VWC2: variants seen among roughly 807,000 people sequenced by gnomAD.
VWC2 encodes the protein brorin.
A neutral mutation model predicts 29.8 loss-of-function variants in VWC2; 14 were observed. The observed-to-expected ratio is 0.47, with a 90% CI of 0.31 to 0.74. The LOEUF (loss-of-function observed/expected upper bound fraction) is 0.74, where lower values mean the gene tolerates loss of function less well. Among genes scored for constraint, VWC2 ranks in the 30% least tolerant of loss-of-function variants. The pLI, the probability that VWC2 is intolerant of heterozygous loss-of-function variation, is 0.05. For missense variants in VWC2, 457 were observed against 459.8 expected (o/e 0.99, Z 0.05); for synonymous variants, 213 against 199.0 (o/e 1.07, Z -0.59).
At chr7:49,869,697 C>T (rs1275974854) in intron 3 of VWC2, among the ~76,000 whole-genome samples, 2 of 152,122 alleles carry the variant, frequency 1.3e-5, no homozygotes, top group African/African-American at 4.8e-5. Context: ...GATGTAAAGC[C>T]ACTGGACTGC....
intron 3 of VWC2, among the ~76,000 whole-genome samples, chr7:49,833,513 A>G (rs1789582750): frequency 6.6e-6 from 1 of 152,220 alleles, no homozygotes. Context: ...GGGGTCTTAC[A>G]GATATTTATG....
intron 2 of VWC2, among the ~76,000 whole-genome samples, chr7:49,798,834 GA>G (rs1265838224): frequency 1.3e-5 from 2 of 152,230 alleles, no homozygotes; most frequent in Non-Finnish European, 2.9e-5. Flanking sequence ...TTCCTTACAT[GA>G]GGGCTGTGCA....
Position 49,775,970 on chromosome 7 carries a change from C to G in VWC2, c.535C>G (p.Leu179Val). Residue 179 changes from leucine (L) to valine (V), a missense_variant, in exon 2 of 4, where the codon CTG becomes GTG. Physicochemically the swap from Leu to Val is conservative, Grantham distance 32. Around this residue, in one of 2 missense-constraint regions of VWC2, gnomAD observed 185 missense variants for 257.1 expected, o/e 0.72. Transcript: ENST00000340652. Reference sequence around the variant, plus strand: ...GCCGGGCCCCTCGGCCTGCCCGTGCCTGTGCACCGAGGAGGGGCCGCTGTG... The same window carrying G: ...GCCGGGCCCCTCGGCCTGCCCGTGCGTGTGCACCGAGGAGGGGCCGCTGTG... Reference protein sequence around the residue: ...FAPGPSACPCLCTEEGPLCAQ... With the variant: ...FAPGPSACPCVCTEEGPLCAQ... 6.5e-7 allele frequency: 1 copy of G among 1,549,584 alleles called. No individual in the cohort carries two copies. The highest frequency in any genetic ancestry group is 2.4e-5 in the East Asian group (1 of 41,388).
At chr7:49,779,820 T>C (rs1788135684) in intron 2 of VWC2, among the ~76,000 whole-genome samples, 2 of 152,224 alleles carry the variant, frequency 1.3e-5, no homozygotes, top group South Asian at 4.1e-4. Flanking sequence ...CCTCTCTCCT[T>C]GGCTTGCAGA....
chr7:49,801,079 G>A (rs1788726910), intron 2 of VWC2, among the ~76,000 whole-genome samples: 1 of 152,056 alleles, frequency 6.6e-6, no homozygotes, highest in East Asian at 1.9e-4. Context: ...TCACTCCCAG[G>A]CAGGTTGACT....
intron 3 of VWC2, among the ~76,000 whole-genome samples, chr7:49,902,550 T>C (rs775945659): frequency 1.8e-4 from 22 of 124,194 alleles, no homozygotes; most frequent in Non-Finnish European, 3.7e-4. Flanking sequence ...TGGATATCCG[T>C]AGCCAAAAAA....
rs191579315 is a variant in VWC2, at chr7:49,837,361, G to T, written c.826+34521G>T. ...TCTTTTGCAAAACCTGGTATTAAAT[G>T]CAAGGAAACCAATAACAAGTCACCT... On this transcript the variant is annotated intron_variant, in intron 3 of 3. Transcript: ENST00000340652. Among the ~76,000 whole-genome samples, 298 of 152,344 alleles carry T rather than the reference G, an allele frequency of 2.0e-3. 1 individual carries two copies. The highest frequency in any genetic ancestry group is 4.7e-4 in the Non-Finnish European group (32 of 68,036).
chr7:49,887,286 C>T (rs971382999), intron 3 of VWC2, among the ~76,000 whole-genome samples: 3 of 152,108 alleles, frequency 2.0e-5, no homozygotes, highest in Non-Finnish European at 4.4e-5. Flanking sequence ...TTCTCAGCAG[C>T]AATTTTGACT....
chr7:49,856,593 A>G (rs1382306621), intron 3 of VWC2, among the ~76,000 whole-genome samples: 1 of 152,214 alleles, frequency 6.6e-6, no homozygotes, highest in Non-Finnish European at 1.5e-5. Flanking sequence ...AAAAAACTTC[A>G]CACAATTAGT....
intron 3 of VWC2, among the ~76,000 whole-genome samples, chr7:49,872,582 C>T (rs1038632657): frequency 2.0e-5 from 3 of 151,476 alleles, no homozygotes; most frequent in Non-Finnish European, 2.9e-5. Context: ...CCATATATTT[C>T]CACAATAAGA....
intron 3 of VWC2, among the ~76,000 whole-genome samples, chr7:49,895,950 T>A (rs1470368921): frequency 6.6e-6 from 1 of 152,222 alleles, no homozygotes; most frequent in Non-Finnish European, 1.5e-5. Context: ...TAATTCATAT[T>A]TTCATTCACC....
At chr7:49,889,833 C>T (rs927440912) in intron 3 of VWC2, among the ~76,000 whole-genome samples, 12 of 152,002 alleles carry the variant, frequency 7.9e-5, no homozygotes, top group Non-Finnish European at 1.5e-4. Context: ...AAATAGGTGC[C>T]CCAGTATGCC....
chr7:49,889,105 C>G lies in VWC2; in HGVS notation c.827-22929C>G, dbSNP rs373412193. Among the ~76,000 whole-genome samples, 9 of 152,282 alleles carry G rather than the reference C, an allele frequency of 5.9e-5. No individual in the cohort carries two copies. The East Asian group carries it at 1.5e-3, about 26-fold the overall frequency. On this transcript the variant is annotated intron_variant, in intron 3 of 3. Transcript: ENST00000340652. ...GACCAGATATACAGGGAATGCTCATCTTTTGTTTCTTCTGGGTACATTACA... is the reference window on the plus strand; with the variant it reads ...GACCAGATATACAGGGAATGCTCATGTTTTGTTTCTTCTGGGTACATTACA...
intron 3 of VWC2, among the ~76,000 whole-genome samples, chr7:49,897,259 T>C (rs1448263863): frequency 6.6e-6 from 1 of 152,184 alleles, no homozygotes; most frequent in Non-Finnish European, 1.5e-5. Context: ...AAGAATTAAT[T>C]AGTATCCTTA....
intron 3 of VWC2, among the ~76,000 whole-genome samples, chr7:49,853,797 G>A (rs1345566983): frequency 6.6e-6 from 1 of 152,018 alleles, no homozygotes; most frequent in Non-Finnish European, 1.5e-5. Flanking sequence ...CGTGTGCCAT[G>A]TTGGTGTGCT....
At chr7:49,847,930 G>C (rs1001556841) in intron 3 of VWC2, among the ~76,000 whole-genome samples, 1 of 152,132 alleles carries the variant, frequency 6.6e-6, no homozygotes, top group Admixed American at 6.5e-5. Flanking sequence ...TCCTGGAATG[G>C]GTTAGCACTG....
chr7:49,810,889 G>A (rs1788992058), intron 3 of VWC2, among the ~76,000 whole-genome samples: 1 of 152,068 alleles, frequency 6.6e-6, no homozygotes, highest in African/African-American at 2.4e-5. Flanking sequence ...AGACCTAAAT[G>A]TGAGTGTTTA....
rs1787984327 is a variant in VWC2, at chr7:49,773,669, T to TCGCGCGCCGGC, written c.-542_-532dup. On this transcript the variant is annotated 5_prime_UTR_variant, in exon 1 of 4. The change abolishes the stop of an existing upstream ORF in the 5' untranslated region. Transcript: ENST00000340652. Reference sequence around the variant, plus strand: ...GCTCCCATGCTGGCCTCGGTGCCACTCGCGCGCCGGCCGCGCTCCGGGCTT... The same window carrying TCGCGCGCCGGC: ...GCTCCCATGCTGGCCTCGGTGCCACTCGCGCGCCGGCCGCGCGCCGGCCGCGCTCCGGGCTT... 1 of 152,458 alleles carries TCGCGCGCCGGC rather than the reference T, an allele frequency of 6.6e-6. No individual in the cohort carries two copies. The highest frequency in any genetic ancestry group is 2.4e-5 in the African/African-American group (1 of 41,424). 9.4% of individuals were successfully genotyped at this position (152,458 alleles called of 1,614,324 possible). A position where few individuals can be genotyped will look rare whatever the true frequency, so the allele number is the denominator to read the frequency against.
At chr7:49,852,255 C>G (rs931703594) in intron 3 of VWC2, among the ~76,000 whole-genome samples, 2 of 152,136 alleles carry the variant, frequency 1.3e-5, no homozygotes, top group Admixed American at 6.5e-5. Flanking sequence ...GGTGAGTGAC[C>G]CTGGAGCATC....
Sources: gnomAD v4.1 joint callset for allele counts (sites outside exome capture counted in the v4.1 genomes callset) on GRCh38, gnomAD v4.1.1 for gene constraint, gnomAD v4.1.1 regional missense constraint, MANE v1.5 for transcripts, NCBI Gene and HGNC (gene_info 2026-07-23, HGNC 2026-07-21) for gene names.